The following PKP2 variants were observed in gnomAD, a reference collection of about 807,000 sequenced individuals.
PKP2 encodes plakophilin 2, also known as plakophilin-2.
A neutral mutation model predicts 83.4 loss-of-function variants in PKP2; 73 were observed. The observed-to-expected ratio is 0.88, with a 90% CI of 0.72 to 1.06. The LOEUF (loss-of-function observed/expected upper bound fraction) is 1.06. Ranked by LOEUF, PKP2 falls within the 50% of genes least tolerant of loss-of-function variation. The probability of loss-of-function intolerance (pLI) is 0.00; values close to 1 mark genes in which losing one functional copy is unlikely to be tolerated. For synonymous variants in PKP2, 409 were observed against 430.4 expected (o/e 0.95, Z 0.62); for missense variants, 966 against 1,065.4 (o/e 0.91, Z 1.30).
chr12:32,872,796 A>G (rs1956905387), intron 3 of PKP2, among the ~76,000 whole-genome samples: 1 of 152,180 alleles, frequency 6.6e-6, no homozygotes, highest in Non-Finnish European at 1.5e-5. Context: ...ATGACTCTGG[A>G]ATGGATATGT....
intron 9 of PKP2, among the ~76,000 whole-genome samples, chr12:32,812,585 C>T (rs575896479): frequency 1.4e-4 from 22 of 152,256 alleles, no homozygotes; most frequent in African/African-American, 4.6e-4. Context: ...TCACTGCAAC[C>T]TCTGCCTCCT....
chr12:32,879,672 T>C (rs1466055111), intron 1 of PKP2, among the ~76,000 whole-genome samples: 2 of 151,064 alleles, frequency 1.3e-5, no homozygotes, highest in African/African-American at 4.9e-5. Context: ...CTACTAAAAC[T>C]ACAAAAAATT....
chr12:32,843,091 T>G, intron 5 of PKP2: 1 of 372,934 alleles, frequency 2.7e-6, no homozygotes, highest in Non-Finnish European at 5.4e-6. Flanking sequence ...GTGATTCTCC[T>G]GCCTCAGTCT....
intron 9 of PKP2, among the ~76,000 whole-genome samples, chr12:32,811,661 C>CA (rs1956278355): frequency 6.6e-6 from 1 of 152,194 alleles, no homozygotes; most frequent in African/African-American, 2.4e-5. Context: ...TCAAAATCTT[C>CA]ATGTTTGGCT....
At chr12:32,888,837 C>T (rs925045454) in intron 1 of PKP2, among the ~76,000 whole-genome samples, 11 of 148,392 alleles carry the variant, frequency 7.4e-5, no homozygotes, top group Non-Finnish European at 1.6e-4. Flanking sequence ...GTTGCCCAGG[C>T]TGGCGTGCAG....
intron 5 of PKP2, among the ~76,000 whole-genome samples, chr12:32,844,740 T>C (rs1200442444): frequency 6.6e-6 from 1 of 152,192 alleles, no homozygotes; most frequent in Non-Finnish European, 1.5e-5. Context: ...ATTAAAGTGT[T>C]AGACTAGATG....
chr12:32,804,538 G>C (rs1456780458), intron 9 of PKP2, among the ~76,000 whole-genome samples: 1 of 152,162 alleles, frequency 6.6e-6, no homozygotes, highest in African/African-American at 2.4e-5. Context: ...ACTTATAAGT[G>C]AGGCCACGTG....
chr12:32,867,146 G>A (rs569975821), intron 4 of PKP2, among the ~76,000 whole-genome samples: 4 of 152,316 alleles, frequency 2.6e-5, no homozygotes, highest in African/African-American at 9.6e-5. Flanking sequence ...GGGTAACATA[G>A]TGAGACCCCC....
intron 6 of PKP2, among the ~76,000 whole-genome samples, chr12:32,828,121 G>A (rs1283471643): frequency 1.3e-5 from 2 of 152,302 alleles, no homozygotes; most frequent in South Asian, 2.1e-4. Flanking sequence ...TTGATATCGG[G>A]AAGAATCTCT....
At chr12:32,870,044 A>C (rs1956883366) in intron 3 of PKP2, among the ~76,000 whole-genome samples, 1 of 152,134 alleles carries the variant, frequency 6.6e-6, no homozygotes. Flanking sequence ...CAAACAAACA[A>C]AATAATGACT....
intron 6 of PKP2, among the ~76,000 whole-genome samples, chr12:32,830,913 A>C (rs958207280): frequency 6.6e-6 from 1 of 152,042 alleles, no homozygotes; most frequent in African/African-American, 2.4e-5. Context: ...CTAAAAAAAA[A>C]AAAAAAATCC....
chr12:32,877,446 T>C (rs1956941226), intron 3 of PKP2, among the ~76,000 whole-genome samples: 1 of 152,238 alleles, frequency 6.6e-6, no homozygotes, highest in Non-Finnish European at 1.5e-5. Flanking sequence ...GTTATCCAAA[T>C]GGCATTCGTG....
intron 1 of PKP2, among the ~76,000 whole-genome samples, chr12:32,881,277 C>T (rs556960343): frequency 6.6e-6 from 1 of 152,250 alleles, no homozygotes; most frequent in Non-Finnish European, 1.5e-5. Flanking sequence ...ACCCTAGAGA[C>T]AAGAGCAGTT....
chr12:32,849,517 C>A (rs1032339110), intron 5 of PKP2, among the ~76,000 whole-genome samples: 2 of 152,344 alleles, frequency 1.3e-5, no homozygotes, highest in African/African-American at 4.8e-5. Context: ...CTGCACCCAG[C>A]CCCTCCTGTA....
intron 5 of PKP2, among the ~76,000 whole-genome samples, chr12:32,842,150 T>G (rs746481760): frequency 2.0e-5 from 3 of 152,208 alleles, no homozygotes; most frequent in Admixed American, 6.5e-5. Flanking sequence ...AATTTGGAGC[T>G]CGAATCCTTC....
chr12:32,814,924 T>TAA (rs1044035654), intron 9 of PKP2, among the ~76,000 whole-genome samples: 1 of 146,052 alleles, frequency 6.8e-6, no homozygotes, highest in African/African-American at 2.5e-5. Context: ...GACTCTGTCT[T>TAA]AAAAAAAAAA....
At chr12:32,810,002 T>C (rs140161796) in intron 9 of PKP2, among the ~76,000 whole-genome samples, 2 of 152,350 alleles carry the variant, frequency 1.3e-5, no homozygotes, top group African/African-American at 2.4e-5. Flanking sequence ...CAGCTGCTTC[T>C]AATGGGCCCT....
In PKP2 at chr12:32,869,087, C is replaced by T. The variant is rs746682264; in HGVS notation, c.1035-25G>A. On this transcript the variant is annotated intron_variant, in intron 3 of 12. Transcript: ENST00000340811. ...CCTAGACAAACAGGCACAGATTCAG[C>T]CAGATTCCAAACCTCCCTCCTCCTG... 2.5e-6 allele frequency: 4 copies of T among 1,613,036 alleles called. No individual in the cohort carries two copies. In the African/African-American group the frequency reaches 4.0e-5, roughly 16 times the overall value.
At chr12:32,857,592 A>G (rs2137884111) in intron 4 of PKP2, among the ~76,000 whole-genome samples, 1 of 152,308 alleles carries the variant, frequency 6.6e-6, no homozygotes, top group East Asian at 1.9e-4. Flanking sequence ...ACATACATTT[A>G]AAAACTATAG....
Sources: allele counts gnomAD v4.1 joint callset (sites outside exome capture counted in the v4.1 genomes callset), GRCh38; gene constraint gnomAD v4.1.1; transcripts MANE v1.5; gene names NCBI Gene and HGNC (gene_info 2026-07-23, HGNC 2026-07-21).